The following NRG1 variants were observed in gnomAD, a reference collection of about 807,000 sequenced individuals.
The protein encoded by NRG1 is pro-neuregulin-1, membrane-bound isoform.
Under a neutral mutation model 63.8 loss-of-function variants are expected in NRG1, and 18 were observed. That is an observed-to-expected ratio of 0.28 (90% CI 0.19 to 0.42). NRG1 has a LOEUF of 0.42. Ranked by LOEUF, NRG1 falls within the 10% of genes least tolerant of loss-of-function variation. The pLI, the probability that NRG1 is intolerant of heterozygous loss-of-function variation, is 1.00. For missense variants in NRG1, 762 were observed against 814.7 expected (o/e 0.94, Z 0.79); for synonymous variants, 302 against 301.3 (o/e 1.00, Z -0.02).
chr8:31,832,966 A>G (rs1043074678), intron 1 of NRG1, among the ~76,000 whole-genome samples: 3 of 152,156 alleles, frequency 2.0e-5, no homozygotes, highest in Non-Finnish European at 4.4e-5. Flanking sequence ...GAAGTTACCA[A>G]GGACAGATGC....
chr8:32,481,197 G>A (rs1439707041), intron 1 of NRG1, among the ~76,000 whole-genome samples: 1 of 151,946 alleles, frequency 6.6e-6, no homozygotes, highest in Admixed American at 6.6e-5. Flanking sequence ...ACAAAAATTA[G>A]CTGGGTATGT....
intron 1 of NRG1, among the ~76,000 whole-genome samples, chr8:32,200,739 C>T (rs1194360136): frequency 6.6e-6 from 1 of 152,146 alleles, no homozygotes; most frequent in African/African-American, 2.4e-5. Flanking sequence ...GCAGAAAGTC[C>T]CTCCTCGGCA....
chr8:32,696,963 A>G (rs1179830172), intron 5 of NRG1, among the ~76,000 whole-genome samples: 1 of 152,096 alleles, frequency 6.6e-6, no homozygotes, highest in Non-Finnish European at 1.5e-5. Flanking sequence ...CGCCTGGCCA[A>G]AGTAATCTAT....
At chr8:32,754,281 C>T (rs1564112206) in intron 7 of NRG1, 91 bp from the exon 8 acceptor site, 5 of 1,024,500 alleles carry the variant, frequency 4.9e-6, no homozygotes, top group Non-Finnish European at 7.6e-6. Context: ...TGAACATGGA[C>T]AATGTCATGC....
intron 1 of NRG1, among the ~76,000 whole-genome samples, chr8:31,771,676 G>A (rs1818640329): frequency 2.0e-5 from 3 of 152,108 alleles, no homozygotes; most frequent in African/African-American, 4.8e-5. Flanking sequence ...ATCATGAGGA[G>A]TGCCCAAGTT....
intron 1 of NRG1, among the ~76,000 whole-genome samples, chr8:31,821,183 T>A (rs1175719783): frequency 6.6e-6 from 1 of 152,212 alleles, no homozygotes; most frequent in African/African-American, 2.4e-5. Flanking sequence ...TGTTTTGGAA[T>A]GTTTTGGGGC....
At chr8:32,699,941 A>G (rs1449175370) in intron 5 of NRG1, among the ~76,000 whole-genome samples, 1 of 152,194 alleles carries the variant, frequency 6.6e-6, no homozygotes, top group Admixed American at 6.5e-5. Flanking sequence ...TATAAGTTAC[A>G]CGTTATAAGA....
chr8:32,727,421 T>A (rs1217966198), intron 5 of NRG1, among the ~76,000 whole-genome samples: 2 of 152,220 alleles, frequency 1.3e-5, no homozygotes, highest in African/African-American at 4.8e-5. Flanking sequence ...ATCTGACTAA[T>A]AATCTATAAT....
At chr8:31,747,476 CA>C (rs1816005487) in intron 1 of NRG1, among the ~76,000 whole-genome samples, 1 of 152,002 alleles carries the variant, frequency 6.6e-6, no homozygotes, top group African/African-American at 2.4e-5. Flanking sequence ...TTAATTAATT[CA>C]ATTCAGAGTG....
intron 1 of NRG1, among the ~76,000 whole-genome samples, chr8:31,870,716 G>A (rs1184773396): frequency 6.6e-6 from 1 of 152,132 alleles, no homozygotes; most frequent in East Asian, 1.9e-4. Flanking sequence ...TAAAACTTGA[G>A]AGGGTTTTAT....
intron 1 of NRG1, among the ~76,000 whole-genome samples, chr8:31,701,696 T>C (rs1480432792): frequency 6.6e-6 from 1 of 152,218 alleles, no homozygotes; most frequent in African/African-American, 2.4e-5. Context: ...CACTTAGTTT[T>C]GGTTTCTTTT....
At chr8:32,694,491 C>T (rs564468530) in intron 5 of NRG1, among the ~76,000 whole-genome samples, 52 of 152,198 alleles carry the variant, frequency 3.4e-4, no homozygotes, top group African/African-American at 1.3e-3. Flanking sequence ...CATCATGGTG[C>T]TCGATCAGTT....
chr8:31,761,673 G>C (rs190753891), intron 1 of NRG1, among the ~76,000 whole-genome samples: 1 of 152,218 alleles, frequency 6.6e-6, no homozygotes, highest in Admixed American at 6.5e-5. Flanking sequence ...TGACCATCTT[G>C]CGTGGGAGTG....
At chr8:32,604,714 C>A (rs563345765) in intron 2 of NRG1, among the ~76,000 whole-genome samples, 14 of 152,174 alleles carry the variant, frequency 9.2e-5, no homozygotes, top group Non-Finnish European at 1.5e-4. Flanking sequence ...ATTCCAGGGG[C>A]ATGCCACCAC....
At chr8:32,457,060 A>G (rs1025548215) in intron 1 of NRG1, among the ~76,000 whole-genome samples, 25 of 152,160 alleles carry the variant, frequency 1.6e-4, no homozygotes, top group Non-Finnish European at 3.1e-4. Context: ...TGAACCCTGG[A>G]GGCAGAGATT....
intron 1 of NRG1, among the ~76,000 whole-genome samples, chr8:32,220,145 A>G (rs1845658871): frequency 6.6e-6 from 1 of 151,958 alleles, no homozygotes; most frequent in Admixed American, 6.6e-5. Context: ...TTAACACATC[A>G]TATTTTTTTT....
At chr8:32,079,036 T>G (rs16878764) in intron 1 of NRG1, among the ~76,000 whole-genome samples, 47,410 of 152,000 alleles carry the variant, frequency 0.31, 8,673 homozygotes, top group East Asian at 0.65. Context: ...TGCTTAGAAC[T>G]GAACTTAAAA....
chr8:32,110,585 G>T (rs1021696268), intron 1 of NRG1, among the ~76,000 whole-genome samples: 1 of 152,098 alleles, frequency 6.6e-6, no homozygotes, highest in Non-Finnish European at 1.5e-5. Flanking sequence ...GAACAAGGCC[G>T]TGCTCTTCTT....
chr8:32,221,492 A>G (rs553963687), intron 1 of NRG1, among the ~76,000 whole-genome samples: 3 of 152,334 alleles, frequency 2.0e-5, no homozygotes, highest in African/African-American at 7.2e-5. Context: ...ATAAATAAAT[A>G]GTAAGATGGG....
Sources: allele counts gnomAD v4.1 joint callset (sites outside exome capture counted in the v4.1 genomes callset), GRCh38; gene constraint gnomAD v4.1.1; transcripts MANE v1.5; gene names NCBI Gene and HGNC (gene_info 2026-07-23, HGNC 2026-07-21).